MYO5B: variants seen among roughly 807,000 people sequenced by gnomAD.
MYO5B encodes myosin VB, also known as unconventional myosin-Vb.
Under a neutral mutation model 229.3 loss-of-function variants are expected in MYO5B, and 143 were observed. The ratio of observed to expected loss-of-function variants is 0.62; its 90% confidence interval spans 0.54 to 0.72. MYO5B has a LOEUF of 0.72. Ranked by LOEUF, MYO5B falls within the 30% of genes least tolerant of loss-of-function variation. The pLI is 0.00. For missense variants in MYO5B, 2,321 were observed against 2,331.0 expected (o/e 1.00, Z 0.09); for synonymous variants, 918 against 885.2 (o/e 1.04, Z -0.66).
chr18:49,871,314 A>G (rs533824635), intron 27 of MYO5B, among the ~76,000 whole-genome samples: 1 of 152,336 alleles, frequency 6.6e-6, no homozygotes, highest in South Asian at 2.1e-4. Flanking sequence ...TACGGGCTTC[A>G]GTTTTAAAAG....
At chr18:49,889,900 T>C (rs1321914796) in intron 22 of MYO5B, among the ~76,000 whole-genome samples, 1 of 152,100 alleles carries the variant, frequency 6.6e-6, no homozygotes, top group African/African-American at 2.4e-5. Context: ...CTCCTATTGT[T>C]TTGAGGCTTG....
At chr18:49,848,324 G>A (rs1169608909) in intron 32 of MYO5B, among the ~76,000 whole-genome samples, 1 of 152,066 alleles carries the variant, frequency 6.6e-6, no homozygotes, top group African/African-American at 2.4e-5. Flanking sequence ...GCTGATGGTG[G>A]TGGGGCTGGA....
chr18:49,895,515 T>C (rs1468647141), intron 21 of MYO5B, among the ~76,000 whole-genome samples: 3 of 152,122 alleles, frequency 2.0e-5, no homozygotes, highest in Non-Finnish European at 4.4e-5. Flanking sequence ...ACAAAGAAGC[T>C]GGCTCTCTGG....
At chr18:50,158,690 A>G (rs528244062) in intron 1 of MYO5B, among the ~76,000 whole-genome samples, 3 of 152,290 alleles carry the variant, frequency 2.0e-5, no homozygotes, top group South Asian at 4.1e-4. Context: ...TATTTTTTCC[A>G]AAGTCAGAGT....
At chr18:49,879,535 T>C (rs1217630) in intron 23 of MYO5B, 179,633 of 224,380 alleles carry the variant, frequency 0.8, 72,322 homozygotes, top group East Asian at 0.95. Flanking sequence ...ATGGGCTACT[T>C]CCCTGCCAAA....
intron 22 of MYO5B, 142 bp from the exon 23 acceptor site, chr18:49,880,597 A>C (rs2024575909): frequency 1.3e-6 from 1 of 748,034 alleles, no homozygotes; most frequent in Non-Finnish European, 2.4e-6. Flanking sequence ...TTTGTTTTCA[A>C]GGAAAAATTG....
rs2144048741 is a variant in MYO5B at position 49,847,239 on chromosome 18, G to A, written c.4366C>T (p.Gln1456Ter). 1.9e-6 allele frequency: 3 copies of A among 1,614,060 alleles called. No individual in the cohort carries two copies. Among genetic ancestry groups the A allele is most frequent in the Middle Eastern group, 1.7e-4 (1 of 5,954 alleles). ...TTCTCTTTCCGCTGGACCGTGACCTGCCTGTTGAGCTCATGGCGCTTCCTC... is the reference window on the plus strand; with the variant it reads ...TTCTCTTTCCGCTGGACCGTGACCTACCTGTTGAGCTCATGGCGCTTCCTC... ...SERKRHELNR[Q>*]VTVQRKEKDF... The change falls in exon 33 of 40, where the codon CAG (glutamine) becomes TAG (stop). Residue 1456 changes from glutamine (Q) to a stop codon, truncating the protein, a stop_gained. Coordinates refer to ENST00000285039, the MANE Select transcript of MYO5B (RefSeq NM_001080467.3). LOFTEE classifies it high-confidence loss of function.
chr18:50,187,607 C>G lies in MYO5B; in HGVS notation c.27+7160G>C, dbSNP rs188725248. 4.7e-4 allele frequency among the ~76,000 whole-genome samples: 71 copies of G among 152,266 alleles called. No homozygotes were observed. The East Asian group carries it at 0.01, about 22-fold the overall frequency. ...TCACAGCTCACTGCTACCTCAACTCCCAGGCTCAAGCAATCCTCCCACCTC... is the reference window on the plus strand; with the variant it reads ...TCACAGCTCACTGCTACCTCAACTCGCAGGCTCAAGCAATCCTCCCACCTC... On this transcript the variant is annotated intron_variant, in intron 1 of 39. Coordinates refer to ENST00000285039, the MANE Select transcript of MYO5B (RefSeq NM_001080467.3).
At chr18:49,910,902 C>T (rs1046916839) in intron 18 of MYO5B, among the ~76,000 whole-genome samples, 6 of 152,160 alleles carry the variant, frequency 3.9e-5, no homozygotes, top group Admixed American at 3.9e-4. Context: ...CATTAATGAT[C>T]ATACTCTGCT....
intron 26 of MYO5B, among the ~76,000 whole-genome samples, chr18:49,872,530 C>T (rs550040923): frequency 2.5e-4 from 38 of 152,258 alleles, no homozygotes; most frequent in Admixed American, 4.6e-4. Flanking sequence ...TTTTGCCCCC[C>T]CAAATGATAT....
At chr18:50,063,813 C>T (rs1337383821) in intron 1 of MYO5B, 2 of 152,220 alleles carry the variant, frequency 1.3e-5, no homozygotes, top group African/African-American at 2.4e-5. Flanking sequence ...CCATTTATCA[C>T]ACATTCTATA....
At chr18:50,187,094 G>T (rs1215946651) in intron 1 of MYO5B, among the ~76,000 whole-genome samples, 1 of 152,146 alleles carries the variant, frequency 6.6e-6, no homozygotes, top group African/African-American at 2.4e-5. Context: ...AACCCAACAT[G>T]TCAAAAATCA....
At chr18:50,144,512 A>G (rs8098113) in intron 1 of MYO5B, among the ~76,000 whole-genome samples, 34,311 of 152,080 alleles carry the variant, frequency 0.23, 4,113 homozygotes, top group East Asian at 0.43. Flanking sequence ...CTCCCATCCA[A>G]AAACAGGACT....
intron 14 of MYO5B, among the ~76,000 whole-genome samples, chr18:49,949,988 A>G (rs752637186): frequency 2.6e-5 from 4 of 152,160 alleles, no homozygotes; most frequent in Non-Finnish European, 4.4e-5. Flanking sequence ...TGTAGAGCAT[A>G]CTTAGAATCA....
chr18:49,942,870 T>C (rs915032390), intron 14 of MYO5B, among the ~76,000 whole-genome samples: 2 of 152,168 alleles, frequency 1.3e-5, no homozygotes, highest in African/African-American at 4.8e-5. Flanking sequence ...ACTGGGTATA[T>C]ACCCAAAGGA....
chr18:49,967,497 C>T (rs2025638902), intron 10 of MYO5B, among the ~76,000 whole-genome samples: 1 of 152,210 alleles, frequency 6.6e-6, no homozygotes, highest in Admixed American at 6.5e-5. Context: ...AAAGCTCACT[C>T]TCCAGCATTC....
At chr18:49,897,502 A>C (rs1448714581) in intron 21 of MYO5B, among the ~76,000 whole-genome samples, 1 of 152,246 alleles carries the variant, frequency 6.6e-6, no homozygotes, top group East Asian at 1.9e-4. Context: ...TATGGGGTAT[A>C]TAAAATGTTT....
At chr18:50,031,119 C>T (rs79055373) in intron 4 of MYO5B, among the ~76,000 whole-genome samples, 58 of 152,112 alleles carry the variant, frequency 3.8e-4, no homozygotes, top group East Asian at 2.3e-3. Context: ...TTTAGAGAGG[C>T]GGTAGGGCTT....
chr18:49,826,913 T>C (rs1238316971), intron 39 of MYO5B, among the ~76,000 whole-genome samples: 1 of 151,812 alleles, frequency 6.6e-6, no homozygotes, highest in Non-Finnish European at 1.5e-5. Context: ...GTGCAAACCA[T>C]ATGGAGAGGC....
Sources: allele counts gnomAD v4.1 joint callset (sites outside exome capture counted in the v4.1 genomes callset), GRCh38; gene constraint gnomAD v4.1.1; transcripts MANE v1.5; gene names NCBI Gene and HGNC (gene_info 2026-07-23, HGNC 2026-07-21).